Variants in TADA2A observed in about 807,000 individuals in gnomAD.
The protein encoded by TADA2A is transcriptional adaptor 2A.
A neutral mutation model predicts 67.4 loss-of-function variants in TADA2A; 38 were observed. The observed-to-expected ratio is 0.56, with a 90% CI of 0.44 to 0.74. TADA2A has a LOEUF of 0.74. Ranked by LOEUF, TADA2A falls within the 30% of genes least tolerant of loss-of-function variation. The pLI is 0.00. For synonymous variants in TADA2A, 192 were observed against 181.6 expected (o/e 1.06, Z -0.46); for missense variants, 454 against 547.0 (o/e 0.83, Z 1.70).
chr17:37,433,187 A>T (rs1239194808), intron 4 of TADA2A, among the ~76,000 whole-genome samples: 1 of 151,954 alleles, frequency 6.6e-6, no homozygotes, highest in Non-Finnish European at 1.5e-5. Flanking sequence ...TCCTGGACTG[A>T]AGGGATCCTC....
intron 8 of TADA2A, 118 bp downstream of exon 8, chr17:37,444,886 T>C: frequency 1.1e-6 from 1 of 947,228 alleles, no homozygotes; most frequent in Non-Finnish European, 1.6e-6. Context: ...AATTCAGAAA[T>C]CTAGTGGTTA....
At chr17:37,409,522 T>A (rs1192625423) in intron 1 of TADA2A, among the ~76,000 whole-genome samples, 1 of 151,796 alleles carries the variant, frequency 6.6e-6, no homozygotes, top group African/African-American at 2.4e-5. Flanking sequence ...ATCCCAGCAC[T>A]TGGGGAGGCT....
At chr17:37,408,165 G>A (rs1651007520) in intron 1 of TADA2A, among the ~76,000 whole-genome samples, 1 of 152,170 alleles carries the variant, frequency 6.6e-6, no homozygotes, top group African/African-American at 2.4e-5. Flanking sequence ...GAGATTACAG[G>A]CGTGAGCCAC....
chr17:37,423,191 A>T (rs567360084), intron 2 of TADA2A, among the ~76,000 whole-genome samples: 1 of 152,318 alleles, frequency 6.6e-6, no homozygotes, highest in African/African-American at 2.4e-5. Context: ...TTGTCAAGCC[A>T]CTGCACTCCA....
At chr17:37,439,940 TTA>T (rs780911397) in intron 5 of TADA2A, among the ~76,000 whole-genome samples, 18,539 of 58,976 alleles carry the variant, frequency 0.31, 1,454 homozygotes, top group East Asian at 0.47. Context: ...ATTTATTTAT[TTA>T]TTATTTTTTT....
intron 1 of TADA2A, among the ~76,000 whole-genome samples, chr17:37,409,561 G>A (rs929680902): frequency 5.9e-5 from 9 of 152,026 alleles, no homozygotes; most frequent in African/African-American, 2.2e-4. Flanking sequence ...GAGGTCAGGA[G>A]TTCGAGACCA....
intron 1 of TADA2A, 103 bp from the exon 2 acceptor site, chr17:37,411,166 A>G (rs1197579263): frequency 1.7e-6 from 1 of 598,432 alleles, no homozygotes; most frequent in Non-Finnish European, 3.0e-6. Context: ...TTTCAACATT[A>G]CAAAGCTAAG....
At chr17:37,437,604 C>A (rs558982300) in intron 4 of TADA2A, 134 bp from the exon 5 acceptor site, 3 of 673,300 alleles carry the variant, frequency 4.5e-6, no homozygotes, top group Admixed American at 2.7e-5. Flanking sequence ...CCAGGCTGGT[C>A]TCGAACTCCT....
At chr17:37,469,367 C>T (rs2053735672) in intron 12 of TADA2A, among the ~76,000 whole-genome samples, 2 of 151,894 alleles carry the variant, frequency 1.3e-5, no homozygotes, top group African/African-American at 2.4e-5. Context: ...GGCACGGTGG[C>T]TCACACCTGT....
At position 37,437,632 on chromosome 17, in the gene TADA2A, C is replaced by A. The variant is rs2052771186; in HGVS notation, c.193-106C>A. On this transcript the variant is annotated intron_variant, in intron 4 of 15. Transcript: ENST00000615182. ...GAACTCCTGACCTCAGGTGATCCGC[C>A]CGCCTCCGCCTTCCAAAGTGCTGGG... 5.5e-5 allele frequency: 51 copies of A among 933,346 alleles called. 1 individual carries two copies. In the South Asian group the frequency reaches 7.2e-4, roughly 13 times the overall value. 57.8% of individuals were successfully genotyped at this position (933,346 alleles called of 1,614,324 possible).
At chr17:37,443,077 A>G (rs1411071760) in intron 7 of TADA2A, among the ~76,000 whole-genome samples, 1 of 152,056 alleles carries the variant, frequency 6.6e-6, no homozygotes, top group African/African-American at 2.4e-5. Context: ...TGGGAGGATC[A>G]CTTGAGCCTG....
At chr17:37,439,061 G>A (rs2052818461) in intron 5 of TADA2A, among the ~76,000 whole-genome samples, 1 of 152,072 alleles carries the variant, frequency 6.6e-6, no homozygotes, top group Admixed American at 6.6e-5. Flanking sequence ...GAGACCTTGA[G>A]GAAAGGACTT....
At position 37,431,609 on chromosome 17, in the gene TADA2A, C is replaced by T. The variant is rs142184327; in HGVS notation, c.192+4600C>T. On this transcript the variant is annotated intron_variant, in intron 4 of 15. Coordinates refer to ENST00000615182, the MANE Select transcript of TADA2A (RefSeq NM_001166105.3). ...TTTTTTTTTGAGACAGAGTCTTGCC[C>T]TGTCGCCCAGGCTGGAGTCCAGTGG... is the stretch of plus-strand genomic sequence containing the variant. 7.3e-3 allele frequency among the ~76,000 whole-genome samples: 1,089 copies of T among 148,772 alleles called. 10 individuals carry two copies. The highest frequency in any genetic ancestry group is 0.026 in the African/African-American group (1,026 of 40,164).
chr17:37,437,685 C>A, intron 4 of TADA2A, 53 bp from the exon 5 acceptor site: 5 of 1,532,736 alleles, frequency 3.3e-6, no homozygotes, highest in Non-Finnish European at 4.5e-6. Context: ...CCGTGCCTGG[C>A]CCCTAGATTC....
intron 2 of TADA2A, among the ~76,000 whole-genome samples, chr17:37,422,475 C>A (rs1309712386): frequency 3.1e-5 from 3 of 98,160 alleles, no homozygotes; most frequent in Non-Finnish European, 6.5e-5. Context: ...GCCACCATGC[C>A]CAGCTGATTA....
At position 37,470,403 on chromosome 17, in the gene TADA2A, C is replaced by G; in HGVS notation, c.899C>G (p.Ala300Gly). The change falls in exon 13 of 16, where the codon GCC becomes GGC. Residue 300 changes from alanine to glycine, a missense_variant. Ala to Gly is a moderately conservative substitution (Grantham distance 60, BLOSUM62 0). Transcript: ENST00000615182. ...ATTGTGTTTTCTATACCCCCAGGTG[C>G]CAGAACCTACGATCACCTCAAGAAG... ...RTAGITNFCSARTYDHLKKTR... is the reference protein window; with the variant it reads ...RTAGITNFCSGRTYDHLKKTR... The G allele has an allele frequency of 6.2e-7, 1 of 1,613,714 alleles. No homozygotes were observed. Among genetic ancestry groups the G allele is most frequent in the Non-Finnish European group, 8.5e-7 (1 of 1,179,876 alleles).
At position 37,411,429 on chromosome 17, in the gene TADA2A, T is replaced by C. The variant is rs150054567; in HGVS notation, c.25+39T>C. The C allele has an allele frequency of 3.1e-5, 49 of 1,589,264 alleles. No homozygotes were observed. The African/African-American group carries it at 5.3e-4, about 17-fold the overall frequency. Reference sequence around the variant, plus strand: ...GAACAAGTCTCAGGTGACTTATTATTATTTTTTTTTTGAGATGGACTCTCC... The same window carrying C: ...GAACAAGTCTCAGGTGACTTATTATCATTTTTTTTTTGAGATGGACTCTCC... On this transcript the variant is annotated intron_variant, in intron 2 of 15. Coordinates refer to ENST00000615182, the MANE Select transcript of TADA2A (RefSeq NM_001166105.3).
intron 4 of TADA2A, among the ~76,000 whole-genome samples, chr17:37,429,720 T>A (rs1049526221): frequency 6.6e-6 from 1 of 152,214 alleles, no homozygotes; most frequent in Non-Finnish European, 1.5e-5. Context: ...TCTGGGCTTA[T>A]AATATTCAGG....
At chr17:37,455,690 G>A (rs1672271660) in intron 8 of TADA2A, among the ~76,000 whole-genome samples, 1 of 152,092 alleles carries the variant, frequency 6.6e-6, no homozygotes, top group East Asian at 1.9e-4. Context: ...CGCTTACGAG[G>A]TTTTTTAAAA....
Sources: gnomAD v4.1 joint callset for allele counts (sites outside exome capture counted in the v4.1 genomes callset) on GRCh38, gnomAD v4.1.1 for gene constraint, MANE v1.5 for transcripts, NCBI Gene and HGNC (gene_info 2026-07-23, HGNC 2026-07-21) for gene names.